TASP1: variants seen among roughly 807,000 people sequenced by gnomAD.
TASP1 encodes taspase 1.
Under a neutral mutation model 56.6 loss-of-function variants are expected in TASP1, and 16 were observed. The observed-to-expected ratio is 0.28, with a 90% CI of 0.19 to 0.43. TASP1 has a LOEUF of 0.43. TASP1 is among the 20% of genes least tolerant of loss of function. The pLI, the probability that TASP1 is intolerant of heterozygous loss-of-function variation, is 1.00. For missense variants in TASP1, 393 were observed against 511.6 expected (o/e 0.77, Z 2.24); for synonymous variants, 179 against 184.2 (o/e 0.97, Z 0.23).
intron 7 of TASP1, among the ~76,000 whole-genome samples, chr20:13,566,979 C>T (rs547660864): frequency 2.6e-5 from 4 of 152,276 alleles, no homozygotes; most frequent in African/African-American, 9.6e-5. Flanking sequence ...ATGCATGCAT[C>T]TGTTCACTGC....
the TASP1 span, among the ~76,000 whole-genome samples, chr20:13,311,357 A>C: frequency 6.6e-6 from 1 of 152,204 alleles, no homozygotes; most frequent in Non-Finnish European, 1.5e-5. Flanking sequence ...TGCTACAGCC[A>C]TTATGGGAAA....
At chr20:13,295,373 T>C in the TASP1 span, among the ~76,000 whole-genome samples, 3 of 152,178 alleles carry the variant, frequency 2.0e-5, no homozygotes, top group African/African-American at 7.2e-5. Context: ...CTGAACAAGA[T>C]TGCCATGATC....
the TASP1 span, among the ~76,000 whole-genome samples, chr20:13,268,346 TCC>T: frequency 3.7e-5 from 2 of 53,852 alleles, no homozygotes; most frequent in African/African-American, 7.1e-5. Flanking sequence ...TCCTTCTTCT[TCC>T]TCTCTCTCTC....
chr20:13,611,736 T>C (rs1317020635), intron 4 of TASP1, among the ~76,000 whole-genome samples: 1 of 152,164 alleles, frequency 6.6e-6, no homozygotes, highest in African/African-American at 2.4e-5. Context: ...GCTCCTACAC[T>C]CAAAAGAACC....
chr20:13,637,301 A>G (rs1488492227), intron 1 of TASP1, among the ~76,000 whole-genome samples: 2 of 152,218 alleles, frequency 1.3e-5, no homozygotes, highest in Admixed American at 6.5e-5. Flanking sequence ...GGAATGTAAA[A>G]TGGTGCAACC....
At chr20:13,336,687 A>T in the TASP1 span, among the ~76,000 whole-genome samples, 1 of 152,216 alleles carries the variant, frequency 6.6e-6, no homozygotes, top group African/African-American at 2.4e-5. Context: ...TTTATTTTGC[A>T]TTGGGCTCTA....
intron 6 of TASP1, among the ~76,000 whole-genome samples, 197 bp downstream of exon 6, chr20:13,580,700 G>GATCC (rs1479512770): frequency 6.6e-6 from 1 of 152,082 alleles, no homozygotes; most frequent in East Asian, 1.9e-4. Context: ...GTTGAACACT[G>GATCC]ATCCCCTTTC....
At chr20:13,244,039 T>A in the TASP1 span, 9 of 152,228 alleles carry the variant, frequency 5.9e-5, no homozygotes, top group African/African-American at 2.2e-4. Context: ...TGGTGATTCA[T>A]CTGCAGGTCA....
intron 11 of TASP1, among the ~76,000 whole-genome samples, chr20:13,478,158 T>C (rs1231833644): frequency 1.3e-5 from 2 of 152,154 alleles, no homozygotes; most frequent in African/African-American, 4.8e-5. Flanking sequence ...TGGTTGAGCC[T>C]AGTTATAATG....
the TASP1 span, among the ~76,000 whole-genome samples, chr20:13,173,733 C>T: frequency 6.6e-6 from 1 of 152,264 alleles, no homozygotes; most frequent in Non-Finnish European, 1.5e-5. Flanking sequence ...CTTCAAGACC[C>T]TCCTGGGTTT....
At chr20:13,252,525 C>T in the TASP1 span, among the ~76,000 whole-genome samples, 11 of 152,002 alleles carry the variant, frequency 7.2e-5, no homozygotes, top group African/African-American at 9.7e-5. Context: ...CCAAGGCAGG[C>T]GGATCATTTG....
At chr20:13,209,262 G>A in the TASP1 span, among the ~76,000 whole-genome samples, 1 of 152,128 alleles carries the variant, frequency 6.6e-6, no homozygotes, top group African/African-American at 2.4e-5. Context: ...AATGTTTTTT[G>A]TTATAATCCA....
At chr20:13,382,739 AT>A in the TASP1 span, among the ~76,000 whole-genome samples, 95 of 152,286 alleles carry the variant, frequency 6.2e-4, no homozygotes, top group African/African-American at 2.1e-3. Context: ...TATAATTCAC[AT>A]TTTTTTCACT....
chr20:13,157,156 A>C, the TASP1 span, among the ~76,000 whole-genome samples: 1 of 152,056 alleles, frequency 6.6e-6, no homozygotes, highest in Non-Finnish European at 1.5e-5. Flanking sequence ...TACTTTCTAA[A>C]GCCGGGTACG....
chr20:13,272,157 A>G, the TASP1 span, among the ~76,000 whole-genome samples: 1 of 152,126 alleles, frequency 6.6e-6, no homozygotes, highest in African/African-American at 2.4e-5. Flanking sequence ...TCTGGACCAA[A>G]TGCCAATTTG....
the TASP1 span, among the ~76,000 whole-genome samples, chr20:13,311,204 G>T: frequency 8.8e-6 from 1 of 113,698 alleles, no homozygotes. Context: ...CAAAAAAATA[G>T]ATATAGATAG....
chr20:13,499,597 A>C (rs142244585), intron 10 of TASP1, among the ~76,000 whole-genome samples: 1 of 152,270 alleles, frequency 6.6e-6, no homozygotes, highest in Non-Finnish European at 1.5e-5. Flanking sequence ...ATGACCATAA[A>C]GGGGCAAGCC....
At chr20:13,616,278 T>G (rs1600174480) in intron 4 of TASP1, among the ~76,000 whole-genome samples, 1 of 152,130 alleles carries the variant, frequency 6.6e-6, no homozygotes, top group Non-Finnish European at 1.5e-5. Context: ...CTACCATATA[T>G]GGCTTTAGGT....
the TASP1 span, chr20:13,279,892 G>C: frequency 5.0e-6 from 8 of 1,613,822 alleles, no homozygotes; most frequent in East Asian, 1.3e-4. Flanking sequence ...AGATCAGCCA[G>C]AATATGGTGA....
Sources: gnomAD v4.1 joint callset for allele counts (sites outside exome capture counted in the v4.1 genomes callset) on GRCh38, gnomAD v4.1.1 for gene constraint, MANE v1.5 for transcripts, NCBI Gene and HGNC (gene_info 2026-07-23, HGNC 2026-07-21) for gene names.